The following ANKRD6 variants were observed in gnomAD, a reference collection of about 807,000 sequenced individuals.
The protein encoded by ANKRD6 is ankyrin repeat domain 6.
A neutral mutation model predicts 82.3 loss-of-function variants in ANKRD6; 56 were observed. The ratio of observed to expected loss-of-function variants is 0.68; its 90% CI spans 0.55 to 0.85. ANKRD6 has a LOEUF of 0.85. Among genes scored for constraint, ANKRD6 ranks in the 40% least tolerant of loss-of-function variants. The pLI, the probability that ANKRD6 is intolerant of heterozygous loss-of-function variation, is 0.00. For missense variants in ANKRD6, 852 were observed against 907.6 expected, an observed-to-expected ratio of 0.94 and a Z score of 0.79; for synonymous variants, 347 against 352.1, an observed-to-expected ratio of 0.99 and a Z score of 0.16.
chr6:89,598,947 C>A (rs9294440), intron 3 of ANKRD6, among the ~76,000 whole-genome samples: 8 of 152,046 alleles, frequency 5.3e-5, no homozygotes, highest in Non-Finnish European at 1.2e-4. Context: ...TTGGAAGCAG[C>A]TTGGGGTGAG....
intron 1 of ANKRD6, among the ~76,000 whole-genome samples, chr6:89,556,823 G>A (rs149415789): frequency 1.4e-4 from 22 of 152,300 alleles, no homozygotes; most frequent in Non-Finnish European, 3.1e-4. Flanking sequence ...AATGAGGTAG[G>A]AACTGTTATC....
chr6:89,624,804 T>G (rs1322160206), intron 13 of ANKRD6, 113 bp downstream of exon 13: 1 of 1,211,886 alleles, frequency 8.3e-7, no homozygotes, highest in Non-Finnish European at 1.1e-6. Context: ...CAGTGGGCTG[T>G]CAGGGAAGAG....
At chr6:89,465,937 G>A (rs1774795299) in intron 1 of ANKRD6, among the ~76,000 whole-genome samples, 2 of 152,036 alleles carry the variant, frequency 1.3e-5, no homozygotes, top group Non-Finnish European at 2.9e-5. Flanking sequence ...GGTTATTATG[G>A]ATAAAGTACT....
intron 1 of ANKRD6, among the ~76,000 whole-genome samples, chr6:89,455,977 G>A (rs561117676): frequency 2.6e-5 from 4 of 151,848 alleles, no homozygotes; most frequent in Admixed American, 6.6e-5. Flanking sequence ...AGGTTCAAGC[G>A]ATTCTCCTGC....
intron 1 of ANKRD6, among the ~76,000 whole-genome samples, chr6:89,460,517 A>T (rs918809370): frequency 6.6e-6 from 1 of 152,052 alleles, no homozygotes; most frequent in Non-Finnish European, 1.5e-5. Context: ...GCTCACTGCA[A>T]CCTCTGCCTC....
chr6:89,627,734 T>C, intron 14 of ANKRD6, 38 bp downstream of exon 14: 1 of 1,593,488 alleles, frequency 6.3e-7, no homozygotes, highest in Non-Finnish European at 8.6e-7. Context: ...ACTTATGATT[T>C]ACCACACAGG....
At position 89,470,991 on chromosome 6, in the gene ANKRD6, C is replaced by T. The variant is rs554420818; in HGVS notation, c.-144+37616C>T. On this transcript the variant is annotated intron_variant, in intron 1 of 15. Coordinates refer to ENST00000339746, the MANE Select transcript of ANKRD6 (RefSeq NM_001242809.2). ...TATATGTTTACATTTATATATAATG[C>T]ATTTCTTTGAAGACTGAGTTTGAAA... 3.6e-4 allele frequency among the ~76,000 whole-genome samples: 55 copies of T among 152,152 alleles called. No homozygotes were observed. In the South Asian group the frequency reaches 0.011, roughly 31 times the overall value.
chr6:89,567,183 A>G, intron 2 of ANKRD6, 87 bp downstream of exon 2: 1 of 1,490,152 alleles, frequency 6.7e-7, no homozygotes, highest in Non-Finnish European at 9.0e-7. Context: ...TGTTTGGTTC[A>G]CAGCTTTCAA....
At chr6:89,597,783 A>G (rs1488212758) in intron 3 of ANKRD6, among the ~76,000 whole-genome samples, 2 of 152,250 alleles carry the variant, frequency 1.3e-5, no homozygotes, top group East Asian at 3.8e-4. Flanking sequence ...CAGATAAATT[A>G]AAATAAAAAT....
chr6:89,529,994 CTG>C (rs1443942794), intron 1 of ANKRD6, among the ~76,000 whole-genome samples: 2 of 152,184 alleles, frequency 1.3e-5, no homozygotes, highest in African/African-American at 4.8e-5. Context: ...TGGTTCACGT[CTG>C]TAATCCTAGC....
chr6:89,623,526 G>T lies in ANKRD6; in HGVS notation c.1014G>T (p.Arg338Ser). ...AACCCAGAGCAAAGGATGACAGGAG[G>T]AGAAAGTCAAGGCCCAAGGTCAGGA... ...SPEPRAKDDRRRKSRPKVSAF... is the reference protein window; with the variant it reads ...SPEPRAKDDRSRKSRPKVSAF... Residue 338 changes from arginine (R) to serine (S), a missense_variant, in exon 11 of 16, where the codon AGG becomes AGT. Physicochemically the swap from Arg to Ser is moderately radical, Grantham distance 110. Transcript: ENST00000339746. 1 of 1,586,446 alleles carries T rather than the reference G, an allele frequency of 6.3e-7. No individual in the cohort carries two copies.
chr6:89,476,333 G>A (rs909604048), intron 1 of ANKRD6, among the ~76,000 whole-genome samples: 1 of 151,964 alleles, frequency 6.6e-6, no homozygotes, highest in Non-Finnish European at 1.5e-5. Context: ...TTATAGGCGT[G>A]CACCACCATG....
At chr6:89,539,741 C>CTT (rs570865099) in intron 1 of ANKRD6, among the ~76,000 whole-genome samples, 3 of 142,656 alleles carry the variant, frequency 2.1e-5, no homozygotes, top group Non-Finnish European at 3.1e-5. Flanking sequence ...AGGTCTTATT[C>CTT]TTTTTTTTTT....
chr6:89,560,816 CT>C (rs1424985505), intron 1 of ANKRD6: 1 of 151,892 alleles, frequency 6.6e-6, no homozygotes, highest in Non-Finnish European at 1.5e-5. Context: ...AAGAGCGAGA[CT>C]TTGTCTCCAA....
intron 1 of ANKRD6, among the ~76,000 whole-genome samples, chr6:89,504,391 T>G (rs1779602418): frequency 6.6e-6 from 1 of 151,108 alleles, no homozygotes. Flanking sequence ...GGACAGTCTC[T>G]CTCTCGCTCT....
chr6:89,612,243 T>G, intron 5 of ANKRD6, 29 bp from the exon 6 acceptor site: 1 of 1,543,074 alleles, frequency 6.5e-7, no homozygotes, highest in Non-Finnish European at 8.8e-7. Context: ...GTTGCTAATA[T>G]GTCCTCCCTC....
intron 2 of ANKRD6, among the ~76,000 whole-genome samples, chr6:89,588,203 A>G (rs1794165913): frequency 6.6e-6 from 1 of 152,242 alleles, no homozygotes; most frequent in South Asian, 2.1e-4. Flanking sequence ...CAGTTCTGCC[A>G]GAAATAAGAT....
At chr6:89,579,166 C>G (rs982208678) in intron 2 of ANKRD6, among the ~76,000 whole-genome samples, 1 of 152,268 alleles carries the variant, frequency 6.6e-6, no homozygotes, top group Non-Finnish European at 1.5e-5. Flanking sequence ...ATGATATTTA[C>G]TAGCTCTATG....
intron 1 of ANKRD6, among the ~76,000 whole-genome samples, chr6:89,453,543 T>A (rs1773116467): frequency 6.6e-6 from 1 of 151,970 alleles, no homozygotes; most frequent in South Asian, 2.1e-4. Context: ...CTTCCAAGAT[T>A]TTATACTTTG....
Sources: allele counts gnomAD v4.1 joint callset (sites outside exome capture counted in the v4.1 genomes callset), GRCh38; gene constraint gnomAD v4.1.1; transcripts MANE v1.5; gene names NCBI Gene and HGNC (gene_info 2026-07-23, HGNC 2026-07-21).